Variants in SHROOM3 observed in about 807,000 individuals in gnomAD.
SHROOM3 encodes protein Shroom3.
A neutral mutation model predicts 138.6 loss-of-function variants in SHROOM3; 47 were observed. That is an observed-to-expected ratio of 0.34 (90% CI 0.27 to 0.43). The LOEUF (loss-of-function observed/expected upper bound fraction) is 0.43. Among genes scored for constraint, SHROOM3 ranks in the 20% least tolerant of loss-of-function variants. The pLI is 1.00. For missense variants in SHROOM3, 2,491 were observed against 2,596.5 expected (o/e 0.96, Z 0.88); for synonymous variants, 1,062 against 1,063.3 (o/e 1.00, Z 0.02).
In SHROOM3 at chr4:76,740,198, C is replaced by T; in HGVS notation, c.2025C>T (p.His675=). The part of the protein sequence containing the change: ...LQNIPESLRR[H]SSLELGRGTQ... ...ACATTCCTGAGAGTCTGAGAAGACACAGCAGCCTGGAGCTAGGCCGGGGAA... is the reference window on the plus strand; with the variant it reads ...ACATTCCTGAGAGTCTGAGAAGACATAGCAGCCTGGAGCTAGGCCGGGGAA... Residue 675 remains histidine (H), a synonymous_variant, in exon 5 of 11, where the codon CAC becomes CAT. Coordinates refer to ENST00000296043, the MANE Select transcript of SHROOM3 (RefSeq NM_020859.4). The surrounding 1 kb of genome is among the most constrained non-coding windows in gnomAD (Gnocchi z 4.0). 6.2e-7 allele frequency: 1 copy of T among 1,613,762 alleles called. No homozygotes were observed. The highest frequency in any genetic ancestry group is 8.5e-7 in the Non-Finnish European group (1 of 1,180,040).
rs970212230 is a variant in SHROOM3, at chr4:76,782,865, TA to T, written c.*3691del. The stretch of plus-strand genomic sequence containing the variant: ...CTTTGGGATGCATAGGATAAAATGA[TA>T]AAGACCATTTTAATATCAGAAAGGG... On this transcript the variant is annotated 3_prime_UTR_variant, in exon 11 of 11. Transcript: ENST00000296043. 1 of 152,220 alleles carries T rather than the reference TA, an allele frequency of 6.6e-6. No homozygotes were observed. Among genetic ancestry groups the T allele is most frequent in the African/African-American group, 2.4e-5 (1 of 41,454 alleles). 9.4% of individuals were successfully genotyped at this position (152,220 alleles called of 1,614,324 possible).
At chr4:76,462,738 A>C (rs1045911511) in intron 1 of SHROOM3, among the ~76,000 whole-genome samples, 2,221 of 81,356 alleles carry the variant, frequency 0.027, 40 homozygotes, top group African/African-American at 0.08. Context: ...TTCCCTCTCC[A>C]TCTCCATCTC....
chr4:76,775,848 CAT>C (rs1449921310), intron 10 of SHROOM3, among the ~76,000 whole-genome samples: 1 of 151,464 alleles, frequency 6.6e-6, no homozygotes. Flanking sequence ...TATATACACA[CAT>C]ACCACATTTT....
At chr4:76,458,354 G>A (rs1417364960) in intron 1 of SHROOM3, among the ~76,000 whole-genome samples, 4 of 152,172 alleles carry the variant, frequency 2.6e-5, no homozygotes, top group Non-Finnish European at 4.4e-5. Context: ...GGGATTTTAA[G>A]TGATTCATAT....
chr4:76,436,049 T>A lies in SHROOM3; in HGVS notation c.-4T>A. The A allele has an allele frequency of 6.2e-7, 1 of 1,613,670 alleles. No homozygotes were observed. The highest frequency in any genetic ancestry group is 8.5e-7 in the Non-Finnish European group (1 of 1,179,782). On this transcript the variant is annotated 5_prime_UTR_variant, in exon 1 of 11. An upstream open reading frame in the 5' UTR gains an earlier in-frame stop. Transcript: ENST00000296043. ...AATTTAACTTGAGGGATCATGTGTT[T>A]GGCATGATGAGGACCACTGAAGACT...
chr4:76,775,271 T>C (rs1376058860), intron 10 of SHROOM3, among the ~76,000 whole-genome samples: 2 of 152,158 alleles, frequency 1.3e-5, no homozygotes, highest in Non-Finnish European at 2.9e-5. Context: ...TCCAGGTTGC[T>C]GTAAATGCCA....
chr4:76,462,599 G>C (rs1406506794), intron 1 of SHROOM3, among the ~76,000 whole-genome samples: 1 of 152,076 alleles, frequency 6.6e-6, no homozygotes, highest in African/African-American at 2.4e-5. Flanking sequence ...TCCCCTTGCT[G>C]TTCTCATGAT....
intron 1 of SHROOM3, among the ~76,000 whole-genome samples, chr4:76,518,186 T>G (rs1490344628): frequency 6.6e-6 from 1 of 152,116 alleles, no homozygotes; most frequent in Non-Finnish European, 1.5e-5. Context: ...AAATATCAAA[T>G]TATCTCAACT....
At position 76,598,610 on chromosome 4, in the gene SHROOM3, G is replaced by A. The variant is rs184252627; in HGVS notation, c.323+42847G>A. Among the ~76,000 whole-genome samples, 31 of 152,312 alleles carry A rather than the reference G, an allele frequency of 2.0e-4. No homozygotes were observed. In the East Asian group the frequency reaches 5.4e-3, roughly 27 times the overall value. Reference sequence around the variant, plus strand: ...ATGGGGTAGAGGTGGCCAGGAAGTGGGGAGCAGGGGCTAAAATTCAGCCCG... The same window carrying A: ...ATGGGGTAGAGGTGGCCAGGAAGTGAGGAGCAGGGGCTAAAATTCAGCCCG... On this transcript the variant is annotated intron_variant, in intron 2 of 10. Coordinates refer to ENST00000296043, the MANE Select transcript of SHROOM3 (RefSeq NM_020859.4).
intron 1 of SHROOM3, among the ~76,000 whole-genome samples, chr4:76,471,059 G>A (rs1278085137): frequency 2.0e-5 from 3 of 151,908 alleles, no homozygotes; most frequent in Non-Finnish European, 4.4e-5. Context: ...ATTACTTTAC[G>A]ATACTCAACT....
rs1020558930 is a variant in SHROOM3 at position 76,435,770 on chromosome 4, C to T, written c.-283C>T. On this transcript the variant is annotated 5_prime_UTR_variant, in exon 1 of 11. It adds an upstream start codon to the 5' untranslated region. Transcript: ENST00000296043. ...AGAGCGCCACTGAAGGAAGTTTTGA[C>T]GAACGGAGTAGAGATGTATACCACT... The T allele has an allele frequency of 3.5e-5, 9 of 254,372 alleles. No individual in the cohort carries two copies. Among genetic ancestry groups the T allele is most frequent in the Non-Finnish European group, 5.5e-5 (8 of 146,448 alleles). 15.8% of individuals were successfully genotyped at this position (254,372 alleles called of 1,614,324 possible).
In SHROOM3 at chr4:76,779,152, T is replaced by G; in HGVS notation, c.5966T>G (p.Phe1989Cys). 1.9e-6 allele frequency: 3 copies of G among 1,613,132 alleles called. No individual in the cohort carries two copies. The East Asian group carries it at 6.7e-5, about 36-fold the overall frequency. The change falls in exon 11 of 11, where the codon TTC becomes TGC. Residue 1989 changes from phenylalanine to cysteine, a missense_variant. Physicochemically the swap from Phe to Cys is radical, Grantham distance 205 (BLOSUM62 -2). Coordinates refer to ENST00000296043, the MANE Select transcript of SHROOM3 (RefSeq NM_020859.4). ...PAGGCTFSGIFPTLTSPL is the reference protein window; with the variant it reads ...PAGGCTFSGICPTLTSPL ...GGGGGCTGTACTTTCAGTGGTATTTTCCCAACATTAACCTCTCCACTTTAA... is the reference window on the plus strand; with the variant it reads ...GGGGGCTGTACTTTCAGTGGTATTTGCCCAACATTAACCTCTCCACTTTAA...
chr4:76,765,162 C>T (rs1457866803), intron 9 of SHROOM3, among the ~76,000 whole-genome samples: 3 of 150,682 alleles, frequency 2.0e-5, no homozygotes, highest in Admixed American at 1.3e-4. Flanking sequence ...CTAAAATTTA[C>T]ATTTAAAAAA....
chr4:76,757,677 C>T (rs1365915306), intron 8 of SHROOM3, among the ~76,000 whole-genome samples: 10 of 152,116 alleles, frequency 6.6e-5, no homozygotes, highest in African/African-American at 1.2e-4. Context: ...CTGGTTTGGC[C>T]CAGTCCGTGA....
At chr4:76,734,836 A>G (rs1268627879) in intron 4 of SHROOM3, among the ~76,000 whole-genome samples, 5 of 118,068 alleles carry the variant, frequency 4.2e-5, no homozygotes, top group African/African-American at 1.3e-4. Flanking sequence ...GGGATATGAT[A>G]TAATGTCAAG....
rs1373326548 is a variant in SHROOM3, at chr4:76,755,184, A to T, written c.4701A>T (p.Pro1567=). 6.2e-7 allele frequency: 1 copy of T among 1,613,578 alleles called. No individual in the cohort carries two copies. The highest frequency in any genetic ancestry group is 1.3e-5 in the African/African-American group (1 of 74,926). ...TGGACAGTGAGGATCCCGAGGGGCC[A>T]CGCCCCAGGTGAGTGAGCAGACTGG... ...AQLDSEDPEG[P]RPSFNKLSKV... The change falls in exon 7 of 11, where the codon CCA becomes CCT. Residue 1567 remains proline, a synonymous_variant. Coordinates refer to ENST00000296043, the MANE Select transcript of SHROOM3 (RefSeq NM_020859.4).
At chr4:76,633,521 T>C (rs1323349215) in intron 2 of SHROOM3, among the ~76,000 whole-genome samples, 1 of 150,930 alleles carries the variant, frequency 6.6e-6, no homozygotes, top group Non-Finnish European at 1.5e-5. Context: ...CCGGGTGTGG[T>C]GGCGGGCGCC....
intron 2 of SHROOM3, 58 bp downstream of exon 2, chr4:76,555,821 C>T (rs1281655288): frequency 6.4e-7 from 1 of 1,574,580 alleles, no homozygotes; most frequent in African/African-American, 1.3e-5. Context: ...TCTCTCCCTA[C>T]CCTACCCCAC....
intron 3 of SHROOM3, among the ~76,000 whole-genome samples, chr4:76,728,265 CCCA>C (rs1720768463): frequency 1.3e-5 from 2 of 152,166 alleles, no homozygotes; most frequent in African/African-American, 4.8e-5. Context: ...ATCTTTAATT[CCCA>C]CGTGTTGTGG....
Sources: allele counts gnomAD v4.1 joint callset (sites outside exome capture counted in the v4.1 genomes callset), GRCh38; gene constraint gnomAD v4.1.1; non-coding constraint Gnocchi (gnomAD v3.1); transcripts MANE v1.5; gene names NCBI Gene and HGNC (gene_info 2026-07-23, HGNC 2026-07-21).